The following TMEM132D variants were observed in gnomAD, a reference collection of about 807,000 sequenced individuals.
The protein encoded by TMEM132D is transmembrane protein 132D, also known as mature OL transmembrane protein.
Under a neutral mutation model 62.3 loss-of-function variants are expected in TMEM132D, and 21 were observed. The observed-to-expected ratio is 0.34, with a 90% CI of 0.24 to 0.49. The LOEUF (loss-of-function observed/expected upper bound fraction) is 0.49. TMEM132D is among the 20% of genes least tolerant of loss of function. The probability of loss-of-function intolerance (pLI) is 0.99; values close to 1 mark genes in which losing one functional copy is unlikely to be tolerated. For synonymous variants in TMEM132D, 621 were observed against 575.6 expected (o/e 1.08, Z -1.13); for missense variants, 1,346 against 1,402.8 (o/e 0.96, Z 0.65).
At chr12:129,657,604 T>G (rs1008891227) in intron 2 of TMEM132D, among the ~76,000 whole-genome samples, 1 of 152,226 alleles carries the variant, frequency 6.6e-6, no homozygotes, top group East Asian at 1.9e-4. Context: ...AAGGCAACAA[T>G]GCCTTGCAGT....
intron 2 of TMEM132D, among the ~76,000 whole-genome samples, chr12:129,537,720 G>C (rs1011649435): frequency 2.0e-5 from 3 of 152,212 alleles, no homozygotes; most frequent in African/African-American, 7.2e-5. Context: ...GGAGACCAAA[G>C]AGAAGAGGAA....
At chr12:129,085,206 C>T (rs1252293192) in intron 5 of TMEM132D, 2 of 164,082 alleles carry the variant, frequency 1.2e-5, no homozygotes, top group African/African-American at 4.8e-5. Flanking sequence ...CTGGACCTGA[C>T]CTTGCTTAGC....
intron 2 of TMEM132D, among the ~76,000 whole-genome samples, chr12:129,533,308 G>A (rs1274148201): frequency 6.6e-6 from 1 of 152,164 alleles, no homozygotes; most frequent in Non-Finnish European, 1.5e-5. Context: ...TGAGACACTG[G>A]GCGAATAGTT....
intron 5 of TMEM132D, among the ~76,000 whole-genome samples, chr12:129,181,409 AC>A (rs1195046381): frequency 6.6e-6 from 1 of 152,140 alleles, no homozygotes; most frequent in Non-Finnish European, 1.5e-5. Flanking sequence ...CTCTGGTTTC[AC>A]CCTGCTAGGA....
chr12:129,615,035 A>C (rs1878877173), intron 2 of TMEM132D, among the ~76,000 whole-genome samples: 1 of 152,128 alleles, frequency 6.6e-6, no homozygotes, highest in Admixed American at 6.5e-5. Context: ...CAATGACAAT[A>C]AGCTCCCCTG....
At chr12:129,832,776 C>A (rs1206896846) in intron 1 of TMEM132D, among the ~76,000 whole-genome samples, 3 of 152,190 alleles carry the variant, frequency 2.0e-5, no homozygotes, top group African/African-American at 7.2e-5. Context: ...GGAAGGCTTT[C>A]TTTATGGAGC....
intron 4 of TMEM132D, among the ~76,000 whole-genome samples, chr12:129,317,695 C>T (rs1868530954): frequency 6.6e-6 from 1 of 152,192 alleles, no homozygotes; most frequent in Non-Finnish European, 1.5e-5. Context: ...AGCTCTCTAG[C>T]AAGGCCAGGG....
At chr12:129,455,218 A>T (rs1873428895) in intron 3 of TMEM132D, among the ~76,000 whole-genome samples, 1 of 152,236 alleles carries the variant, frequency 6.6e-6, no homozygotes, top group Non-Finnish European at 1.5e-5. Context: ...GCATTGAGAC[A>T]AGAACAATGC....
chr12:129,734,019 C>G (rs1409332578), intron 1 of TMEM132D, among the ~76,000 whole-genome samples: 1 of 152,136 alleles, frequency 6.6e-6, no homozygotes, highest in Non-Finnish European at 1.5e-5. Context: ...CCTTCGTTCC[C>G]ACAGCTGCAA....
chr12:129,531,075 C>T lies in TMEM132D; in HGVS notation c.1099G>A (p.Ala367Thr). 1 of 1,612,864 alleles carries T rather than the reference C, an allele frequency of 6.2e-7. No homozygotes were observed. Among genetic ancestry groups the T allele is most frequent in the South Asian group, 1.1e-5 (1 of 90,956 alleles). The change falls in exon 3 of 9, where the codon GCT becomes ACT. Residue 367 changes from alanine (A) to threonine (T), a missense_variant. Coordinates refer to ENST00000422113, the MANE Select transcript of TMEM132D (RefSeq NM_133448.3). ...PAVIVCQKKA[A>T]GSENSADGAS... The stretch of plus-strand genomic sequence containing the variant: ...GGGACTCACCTGTTTTCTGAGCCAG[C>T]TGCTTTCTTCTGACAAACGATGACA...
At chr12:129,238,088 A>C (rs1235042762) in intron 4 of TMEM132D, among the ~76,000 whole-genome samples, 1 of 152,088 alleles carries the variant, frequency 6.6e-6, no homozygotes, top group Non-Finnish European at 1.5e-5. Flanking sequence ...CCCCATATCA[A>C]ATCTGTCTCT....
intron 8 of TMEM132D, among the ~76,000 whole-genome samples, chr12:129,078,322 T>G (rs557752871): frequency 6.6e-6 from 1 of 152,346 alleles, no homozygotes; most frequent in Non-Finnish European, 1.5e-5. Context: ...TATGTATATA[T>G]GTATTTATTT....
chr12:129,190,255 GA>G (rs577323317), intron 5 of TMEM132D, among the ~76,000 whole-genome samples: 10 of 55,802 alleles, frequency 1.8e-4, no homozygotes, highest in Admixed American at 3.6e-4. Context: ...TGGAGGGAGG[GA>G]GTCTCAGGCC....
At chr12:129,592,516 T>A (rs1878221943) in intron 2 of TMEM132D, among the ~76,000 whole-genome samples, 1 of 152,208 alleles carries the variant, frequency 6.6e-6, no homozygotes, top group Non-Finnish European at 1.5e-5. Flanking sequence ...ACACATACAA[T>A]ATGATATGTG....
intron 3 of TMEM132D, among the ~76,000 whole-genome samples, chr12:129,462,526 T>C (rs927784786): frequency 6.6e-6 from 1 of 152,220 alleles, no homozygotes; most frequent in Non-Finnish European, 1.5e-5. Context: ...ATTTTACCAC[T>C]GCTCCTACAA....
rs1875426509 is a variant in TMEM132D, at chr12:129,903,189, C to T, written c.79+72G>A. On this transcript the variant is annotated intron_variant, in intron 1 of 8. Coordinates refer to ENST00000422113, the MANE Select transcript of TMEM132D (RefSeq NM_133448.3). The surrounding 1 kb of genome is among the most constrained non-coding windows in gnomAD (Gnocchi z 6.2). Reference sequence around the variant, plus strand: ...AGCCCTCTCTCCCGGCCGCCCCCATCCTCCACACACTCCCACACACTCACT... The same window carrying T: ...AGCCCTCTCTCCCGGCCGCCCCCATTCTCCACACACTCCCACACACTCACT... The T allele has an allele frequency of 6.7e-7, 1 of 1,494,400 alleles. No homozygotes were observed. Among genetic ancestry groups the T allele is most frequent in the Non-Finnish European group, 9.1e-7 (1 of 1,096,766 alleles). The allele number at this position is 1,494,400 out of a possible 1,614,324, so 92.6% of individuals were successfully genotyped here.
intron 2 of TMEM132D, among the ~76,000 whole-genome samples, chr12:129,574,549 C>T (rs765276906): frequency 2.0e-5 from 3 of 151,836 alleles, no homozygotes; most frequent in Non-Finnish European, 2.9e-5. Context: ...ATGCATTTCA[C>T]GTTTTCGTGT....
chr12:129,166,397 A>T (rs12823882), intron 5 of TMEM132D, among the ~76,000 whole-genome samples: 1 of 43,220 alleles, frequency 2.3e-5, no homozygotes, highest in African/African-American at 5.1e-5. Flanking sequence ...CGTATGTTTC[A>T]TCTCCGGCTA....
chr12:129,250,184 T>C (rs980967599), intron 4 of TMEM132D, among the ~76,000 whole-genome samples: 3 of 152,144 alleles, frequency 2.0e-5, no homozygotes, highest in African/African-American at 7.2e-5. Flanking sequence ...AGCCTCCTCC[T>C]GCCCTCACAC....
Sources: gnomAD v4.1 joint callset for allele counts (sites outside exome capture counted in the v4.1 genomes callset) on GRCh38, gnomAD v4.1.1 for gene constraint, Gnocchi (gnomAD v3.1) non-coding constraint, MANE v1.5 for transcripts, NCBI Gene and HGNC (gene_info 2026-07-23, HGNC 2026-07-21) for gene names.